The following DIDO1 variants were observed in gnomAD, a reference collection of about 807,000 sequenced individuals.
DIDO1 encodes the protein death-inducer obliterator 1.
A neutral mutation model predicts 99.4 loss-of-function variants in DIDO1; 16 were observed. The observed-to-expected ratio is 0.16, with a 90% CI of 0.11 to 0.24. DIDO1 has a LOEUF of 0.24. Ranked by LOEUF, DIDO1 falls within the 10% of genes least tolerant of loss-of-function variation. The pLI is 1.00. For synonymous variants in DIDO1, 1,366 were observed against 1,239.1 expected (o/e 1.10, Z -2.15); for missense variants, 2,996 against 3,014.0 (o/e 0.99, Z 0.14).
Position 62,894,463 on chromosome 20 carries a change from G to A in DIDO1, c.2522C>T (p.Thr841Ile), listed in dbSNP as rs543775445. The change falls in exon 11 of 16, where the codon ACC becomes ATC. Residue 841 changes from threonine to isoleucine, a missense_variant. Physicochemically the swap from Thr to Ile is moderately conservative, Grantham distance 89. Transcript: ENST00000395343. The surrounding 1 kb of genome is among the most constrained non-coding windows in gnomAD (Gnocchi z 4.4). ...DVFSSMLKDT[T>I]SQHRAHLFDL... ...GAAGAGGTGTGCGCGGTGCTGACTG[G>A]TGGTGTCTTTCAACATGCTGCTGAA... 6.2e-7 allele frequency: 1 copy of A among 1,613,624 alleles called. No homozygotes were observed. The highest frequency in any genetic ancestry group is 1.3e-5 in the African/African-American group (1 of 75,032).
chr20:62,930,557 A>C (rs376133369), upstream of DIDO1, among the ~76,000 whole-genome samples: 13 of 152,370 alleles, frequency 8.5e-5, no homozygotes, highest in African/African-American at 2.9e-4. Context: ...GAATCATACC[A>C]ATTTTCTGTC....
chr20:62,921,188 G>GC (rs1441838326), intron 1 of DIDO1, among the ~76,000 whole-genome samples: 1 of 152,210 alleles, frequency 6.6e-6, no homozygotes, highest in Non-Finnish European at 1.5e-5. Context: ...GAGCCACCGT[G>GC]CCCGGCTGGT....
chr20:62,890,870 G>C, intron 15 of DIDO1, 90 bp downstream of exon 15: 2 of 1,609,238 alleles, frequency 1.2e-6, no homozygotes, highest in Non-Finnish European at 1.7e-6. Flanking sequence ...AGAGAGCCCT[G>C]GGCTGGTCAG....
At chr20:62,923,823 G>A (rs1031856967) in intron 1 of DIDO1, among the ~76,000 whole-genome samples, 7 of 152,022 alleles carry the variant, frequency 4.6e-5, no homozygotes, top group South Asian at 2.1e-4. Context: ...ACAAAACCAC[G>A]GCATCAAAAT....
chr20:62,922,196 GTATA>G (rs1192483713), intron 1 of DIDO1, among the ~76,000 whole-genome samples: 1 of 86,954 alleles, frequency 1.2e-5, no homozygotes, highest in African/African-American at 4.6e-5. Flanking sequence ...GTGTGTGTGT[GTATA>G]TATATATGTA....
intron 6 of DIDO1, chr20:62,904,899 CG>C (rs966560532): frequency 1.2e-6 from 1 of 829,244 alleles, no homozygotes; most frequent in African/African-American, 1.9e-5. Flanking sequence ...AGTCTGACGA[CG>C]GGAAAGTGGG....
Position 62,911,272 on chromosome 20 carries a change from C to G in DIDO1, c.341G>C (p.Ser114Thr). 1 of 1,612,840 alleles carries G rather than the reference C, an allele frequency of 6.2e-7. No individual in the cohort carries two copies. The highest frequency in any genetic ancestry group is 8.5e-7 in the Non-Finnish European group (1 of 1,180,034). The change falls in exon 3 of 16, where the codon AGC becomes ACC. Residue 114 changes from serine (S) to threonine (T), a missense_variant. Physicochemically the swap from Ser to Thr is moderately conservative, Grantham distance 58 (BLOSUM62 1). Transcript: ENST00000395343. This position sits in a 1 kb window ranked among gnomAD's most constrained non-coding sequence, Gnocchi z 7.0. ...ATDAETASEG[S>T]VESASETRSG... ...TCTGGTCTCAGAAGCGCTTTCCACG[C>G]TGCCCTCGGAGGCTGTCTCGGCGTC... is the stretch of plus-strand genomic sequence containing the variant.
intron 15 of DIDO1, chr20:62,888,788 C>G (rs1227914486): frequency 2.0e-6 from 2 of 985,352 alleles, no homozygotes; most frequent in East Asian, 2.3e-4. Context: ...TACCCGATGG[C>G]CTGGCCCGGG....
chr20:62,897,010 C>G lies in DIDO1; in HGVS notation c.1589-14G>C. The G allele has an allele frequency of 7.5e-6, 12 of 1,602,124 alleles. No homozygotes were observed. Among genetic ancestry groups the G allele is most frequent in the Non-Finnish European group, 1.0e-5 (12 of 1,174,052 alleles). On this transcript the variant is annotated splice_polypyrimidine_tract_variant and intron_variant, in intron 6 of 15. Transcript: ENST00000395343. ...CTTCCTTCGTGGCTACAAAGAAGAA[C>G]ACAGGCGCTGAGTAAGGGAGGACAC...
rs147101685 is a variant in DIDO1, at chr20:62,891,128, C to T, written c.3373G>A (p.Ala1125Thr). The change falls in exon 15 of 16, where the codon GCC becomes ACC. Residue 1125 changes from alanine to threonine, a missense_variant. Coordinates refer to ENST00000395343, the MANE Select transcript of DIDO1 (RefSeq NM_001193369.2). The stretch of plus-strand genomic sequence containing the variant: ...TAGGCGACCTCCTCTTCCTCTGTGG[C>T]GGGGTGGAAGCGGATCAGACAGAGC... ...KELCLIRFHP[A>T]TEEEEVAYIS... 21 of 1,613,898 alleles carry T rather than the reference C, an allele frequency of 1.3e-5. No individual in the cohort carries two copies. The highest frequency in any genetic ancestry group is 1.2e-4 in the African/African-American group (9 of 74,896).
chr20:62,917,284 G>A (rs1353798065), intron 1 of DIDO1, among the ~76,000 whole-genome samples: 12 of 151,956 alleles, frequency 7.9e-5, no homozygotes, highest in African/African-American at 2.9e-4. Flanking sequence ...ACCCACCTCC[G>A]CCTTCCAAAG....
chr20:62,915,596 C>T (rs371019043), intron 1 of DIDO1, among the ~76,000 whole-genome samples: 1 of 152,204 alleles, frequency 6.6e-6, no homozygotes, highest in African/African-American at 2.4e-5. Flanking sequence ...TCAAGTGATC[C>T]TCCTGGCTTA....
intron 1 of DIDO1, among the ~76,000 whole-genome samples, chr20:62,933,660 A>G (rs937111128): frequency 2.0e-5 from 3 of 152,170 alleles, no homozygotes; most frequent in African/African-American, 7.2e-5. Flanking sequence ...GCTTGCACGC[A>G]GAAGTTTGAG....
chr20:62,893,957 T>C lies in DIDO1; in HGVS notation c.2810A>G (p.His937Arg), dbSNP rs1204961819. 1.2e-6 allele frequency: 2 copies of C among 1,612,476 alleles called. No individual in the cohort carries two copies. Among genetic ancestry groups the C allele is most frequent in the Admixed American group, 1.7e-5 (1 of 59,984 alleles). Residue 937 changes from histidine (H) to arginine (R), a missense_variant, in exon 12 of 16, where the codon CAT (histidine) becomes CGT (arginine). This residue lies in a region of DIDO1 where 898 missense variants were observed against 972.7 expected (regional missense o/e 0.92). Coordinates refer to ENST00000395343, the MANE Select transcript of DIDO1 (RefSeq NM_001193369.2). ...TYFPGPPGDG[H>R]PEPSPLEDLS... ...GTCTTCCAGCGGGGAGGGCTCGGGA[T>C]GGCCATCTCCTGGAGGCCCAGGGAA...
intron 1 of DIDO1, among the ~76,000 whole-genome samples, chr20:62,923,038 G>C (rs1422824895): frequency 6.6e-6 from 1 of 152,180 alleles, no homozygotes; most frequent in Non-Finnish European, 1.5e-5. Flanking sequence ...GTCTTGCTCT[G>C]TCACCCAGGC....
chr20:62,933,765 A>C lies in DIDO1; in HGVS notation c.-200+4031T>G, dbSNP rs919685123. ...TTCCGCCTGTAGTCCCAGCTACTCAAGAGGCTAACATGGGAGGATTAGCTG... is the reference window on the plus strand; with the variant it reads ...TTCCGCCTGTAGTCCCAGCTACTCACGAGGCTAACATGGGAGGATTAGCTG... On this transcript the variant is annotated intron_variant, in intron 1 of 15. Coordinates refer to the DIDO1 transcript ENST00000266070. Among the ~76,000 whole-genome samples, 5 of 152,198 alleles carry C rather than the reference A, an allele frequency of 3.3e-5. No homozygotes were observed. The East Asian group carries it at 7.7e-4, about 24-fold the overall frequency.
At chr20:62,891,183 T>C (rs753165108) in intron 14 of DIDO1, 28 bp from the exon 15 acceptor site, 1 of 1,612,484 alleles carries the variant, frequency 6.2e-7, no homozygotes, top group Admixed American at 1.7e-5. Context: ...GAAGCACTCA[T>C]AAAGAAAATG....
intron 15 of DIDO1, among the ~76,000 whole-genome samples, chr20:62,883,823 C>G (rs1226686827): frequency 6.6e-6 from 1 of 150,488 alleles, no homozygotes; most frequent in Admixed American, 6.6e-5. Context: ...GAGACTCTGT[C>G]TCAAAAAAAC....
At chr20:62,887,965 A>G in intron 15 of DIDO1, 1 of 985,472 alleles carries the variant, frequency 1.0e-6, no homozygotes, top group Non-Finnish European at 1.2e-6. Context: ...ACAAATCATT[A>G]AGATATGCAA....
Sources: allele counts gnomAD v4.1 joint callset (sites outside exome capture counted in the v4.1 genomes callset), GRCh38; gene constraint gnomAD v4.1.1; regional missense constraint gnomAD v4.1.1; non-coding constraint Gnocchi (gnomAD v3.1); transcripts MANE v1.5; gene names NCBI Gene and HGNC (gene_info 2026-07-23, HGNC 2026-07-21).